BCL7C: variants seen among roughly 807,000 people sequenced by gnomAD.
BCL7C encodes B-cell CLL/lymphoma 7 protein family member C.
BCL7C carries 8 observed loss-of-function variants against 26.2 expected under a neutral mutation model. The observed-to-expected ratio is 0.30, with a 90% CI of 0.18 to 0.55. BCL7C has a LOEUF of 0.55. Among genes scored for constraint, BCL7C ranks in the 20% least tolerant of loss-of-function variants. BCL7C has a pLI of 0.93. For missense variants in BCL7C, 262 were observed against 298.5 expected, an observed-to-expected ratio of 0.88 and a Z score of 0.90; for synonymous variants, 90 against 116.5, an observed-to-expected ratio of 0.77 and a Z score of 1.47.
At chr16:30,859,647 G>A (rs562275936) in intron 5 of BCL7C, among the ~76,000 whole-genome samples, 1 of 152,082 alleles carries the variant, frequency 6.6e-6, no homozygotes, top group Non-Finnish European at 1.5e-5. Context: ...CCTTTAAGAA[G>A]GTACTTTGTA....
intron 5 of BCL7C, among the ~76,000 whole-genome samples, chr16:30,859,450 T>G (rs1467924538): frequency 6.6e-6 from 1 of 152,172 alleles, no homozygotes; most frequent in African/African-American, 2.4e-5. Flanking sequence ...AGACCCTGTC[T>G]CTGTCAGGCC....
chr16:30,888,062 C>T, intron 5 of BCL7C, 72 bp from the exon 6 acceptor site: 1 of 1,489,092 alleles, frequency 6.7e-7, no homozygotes, highest in Admixed American at 2.3e-5. Flanking sequence ...TCTGCCTTCT[C>T]CAAAGCCTCC....
rs1017480170 is a variant in BCL7C, at chr16:30,893,741, T to C, written c.92+112A>G. 5.6e-6 allele frequency: 5 copies of C among 888,546 alleles called. No individual in the cohort carries two copies. In the Admixed American group the frequency reaches 5.9e-5, roughly 10 times the overall value. 55.0% of individuals were successfully genotyped at this position (888,546 alleles called of 1,614,324 possible). A position where few individuals can be genotyped will look rare whatever the true frequency, so the allele number is the denominator to read the frequency against. The stretch of plus-strand genomic sequence containing the variant: ...CCCTGTGGATCCAGGGCAAAGCTAG[T>C]GGGTGGAGATACACCGAACACCCGG... On this transcript the variant is annotated intron_variant, in intron 1 of 5. Transcript: ENST00000215115. The surrounding 1 kb of genome is among the most constrained non-coding windows in gnomAD (Gnocchi z 5.2).
At chr16:30,873,618 G>A (rs971603505) in intron 5 of BCL7C, among the ~76,000 whole-genome samples, 3 of 151,888 alleles carry the variant, frequency 2.0e-5, no homozygotes, top group Non-Finnish European at 2.9e-5. Flanking sequence ...GGAGGCTGGG[G>A]CAGGCAGATC....
chr16:30,875,261 T>C (rs776815804), intron 5 of BCL7C: 1 of 154,366 alleles, frequency 6.5e-6, no homozygotes, highest in Admixed American at 6.5e-5. Flanking sequence ...ACGCGACATA[T>C]CCCCTACCCG....
At chr16:30,883,223 C>T (rs921004431), downstream of BCL7C, among the ~76,000 whole-genome samples, 6 of 151,932 alleles carry the variant, frequency 3.9e-5, no homozygotes, top group African/African-American at 1.5e-4. Flanking sequence ...AGGTGGGGCC[C>T]GAGAGCCAGG....
At chr16:30,859,026 T>C (rs1437645058) in intron 5 of BCL7C, among the ~76,000 whole-genome samples, 1 of 152,156 alleles carries the variant, frequency 6.6e-6, no homozygotes, top group African/African-American at 2.4e-5. Flanking sequence ...AGAAAAGGAA[T>C]GTGACCAAAG....
Position 30,834,790 on chromosome 16 carries a change from T to C in BCL7C, c.*158A>G, listed in dbSNP as rs913200668. 3 of 674,072 alleles carry C rather than the reference T, an allele frequency of 4.5e-6. No individual in the cohort carries two copies. The highest frequency in any genetic ancestry group is 7.2e-6 in the Non-Finnish European group (3 of 418,394). 41.8% of individuals were successfully genotyped at this position (674,072 alleles called of 1,614,324 possible). A position where few individuals can be genotyped will look rare whatever the true frequency, so the allele number is the denominator to read the frequency against. On this transcript the variant is annotated 3_prime_UTR_variant, in exon 6 of 6. Coordinates refer to the BCL7C transcript ENST00000380317. This position sits in a 1 kb window ranked among gnomAD's most constrained non-coding sequence, Gnocchi z 4.3. ...CCAGTGGCGAGCCAGATGGGTGCTG[T>C]GGCCTTAGGTTCGGGCAGGTGTGGG...
At chr16:30,861,992 T>C (rs949056765) in intron 5 of BCL7C, among the ~76,000 whole-genome samples, 1 of 151,118 alleles carries the variant, frequency 6.6e-6, no homozygotes, top group Admixed American at 6.7e-5. Flanking sequence ...GCCTCCCAAG[T>C]AGCTGGGACT....
chr16:30,865,026 G>T (rs1003606158), intron 5 of BCL7C, among the ~76,000 whole-genome samples: 1 of 151,830 alleles, frequency 6.6e-6, no homozygotes, highest in Non-Finnish European at 1.5e-5. Flanking sequence ...AAGTTAGCCA[G>T]GCGTGGTGGC....
chr16:30,866,074 G>A (rs1442962643), intron 5 of BCL7C, among the ~76,000 whole-genome samples: 2 of 151,810 alleles, frequency 1.3e-5, no homozygotes, highest in Non-Finnish European at 2.9e-5. Flanking sequence ...CATAATAGAC[G>A]AGAACAAAAA....
intron 5 of BCL7C, among the ~76,000 whole-genome samples, chr16:30,853,543 T>C (rs890973865): frequency 6.6e-6 from 1 of 152,238 alleles, no homozygotes; most frequent in Non-Finnish European, 1.5e-5. Context: ...GGCTTCTTTC[T>C]TTCTTTTATT....
At chr16:30,843,133 A>G (rs1372932079) in intron 5 of BCL7C, among the ~76,000 whole-genome samples, 2 of 152,226 alleles carry the variant, frequency 1.3e-5, no homozygotes, top group African/African-American at 4.8e-5. Flanking sequence ...GACATAGCAA[A>G]CAATCAAACA....
chr16:30,892,925 C>CCCG lies in BCL7C; in HGVS notation c.192_194dup (p.Gly65dup). ...GTTCCCGGCCACGGGATCTCTCTGC[C>CCCG]CCGCCACCTGCCCGCCTTCGCTCCT... On this transcript the variant is annotated inframe_insertion, in exon 3 of 6. Coordinates refer to ENST00000215115, the MANE Select transcript of BCL7C (RefSeq NM_004765.4). The CCCG allele has an allele frequency of 5.0e-6, 8 of 1,612,962 alleles. No homozygotes were observed. Among genetic ancestry groups the CCCG allele is most frequent in the Non-Finnish European group, 6.8e-6 (8 of 1,179,892 alleles).
intron 5 of BCL7C, chr16:30,851,756 T>C: frequency 4.0e-6 from 2 of 496,706 alleles, no homozygotes; most frequent in Non-Finnish European, 7.4e-6. Flanking sequence ...CGTGACCTTT[T>C]TTTGGTGCAA....
At chr16:30,888,011 G>C in intron 5 of BCL7C, 21 bp from the exon 6 acceptor site, 2 of 1,596,586 alleles carry the variant, frequency 1.3e-6, no homozygotes, top group Non-Finnish European at 1.7e-6. Flanking sequence ...AGGGTGGACA[G>C]GCGTGAGCTC....
At chr16:30,888,649 A>G in intron 5 of BCL7C, 1 of 426,382 alleles carries the variant, frequency 2.3e-6, no homozygotes. Context: ...CAGGCTTTTA[A>G]TGGTCTCAAT....
intron 5 of BCL7C, among the ~76,000 whole-genome samples, chr16:30,841,184 C>T (rs1352375210): frequency 2.0e-5 from 3 of 152,182 alleles, no homozygotes; most frequent in Non-Finnish European, 4.4e-5. Context: ...GCTTCCTATT[C>T]ATGCCTTAAT....
Position 30,840,537 on chromosome 16 carries a change from A to G in BCL7C, c.529-5389T>C, listed in dbSNP as rs556682752. The stretch of plus-strand genomic sequence containing the variant: ...CCAGCCATCAAATTCCAAGTTTTAC[A>G]AGGGGAAGGCTGTCAAGGTCTAGTA... On this transcript the variant is annotated intron_variant, in intron 5 of 5. Coordinates refer to the BCL7C transcript ENST00000380317. Among the ~76,000 whole-genome samples, 34 of 152,282 alleles carry G rather than the reference A, an allele frequency of 2.2e-4. 1 individual carries two copies.
Sources: gnomAD v4.1 joint callset for allele counts (sites outside exome capture counted in the v4.1 genomes callset) on GRCh38, gnomAD v4.1.1 for gene constraint, Gnocchi (gnomAD v3.1) non-coding constraint, MANE v1.5 for transcripts, NCBI Gene and HGNC (gene_info 2026-07-23, HGNC 2026-07-21) for gene names.